The following FMN1 variants were observed in gnomAD, a reference collection of about 807,000 sequenced individuals.
The protein encoded by FMN1 is formin 1, also known as formin-1.
In FMN1, 110 loss-of-function variants were observed where a neutral mutation model predicts 132.4. That is an observed-to-expected ratio of 0.83 (90% confidence interval 0.71 to 0.97). The LOEUF is 0.97. Ranked by LOEUF, FMN1 falls within the 50% of genes least tolerant of loss-of-function variation. FMN1 has a pLI of 0.00. For synonymous variants in FMN1, 722 were observed against 651.7 expected, an observed-to-expected ratio of 1.11 and a Z score of -1.64; for missense variants, 1,792 against 1,705.3, an observed-to-expected ratio of 1.05 and a Z score of -0.90.
chr15:33,128,553 G>C (rs915512365), intron 4 of FMN1, among the ~76,000 whole-genome samples: 1 of 152,216 alleles, frequency 6.6e-6, no homozygotes, highest in Non-Finnish European at 1.5e-5. Context: ...CACATACCGA[G>C]TCCGGAGTTT....
chr15:33,106,863 A>G (rs1229786437), intron 4 of FMN1, among the ~76,000 whole-genome samples: 1 of 151,966 alleles, frequency 6.6e-6, no homozygotes, highest in African/African-American at 2.4e-5. Context: ...CACCCCAAAG[A>G]TATGTGCAGA....
At chr15:33,062,280 C>T (rs2037520183) in intron 6 of FMN1, among the ~76,000 whole-genome samples, 1 of 152,062 alleles carries the variant, frequency 6.6e-6, no homozygotes, top group Non-Finnish European at 1.5e-5. Context: ...TATAATACAT[C>T]ATGTATAACT....
intron 4 of FMN1, among the ~76,000 whole-genome samples, chr15:33,127,015 T>C (rs368617476): frequency 6.6e-6 from 1 of 152,186 alleles, no homozygotes; most frequent in African/African-American, 2.4e-5. Flanking sequence ...TGTGGGAGTT[T>C]GAGAAAACTG....
chr15:32,768,030 A>T lies in FMN1; in HGVS notation c.*6280T>A, dbSNP rs750279549. 6.6e-6 allele frequency: 1 copy of T among 152,246 alleles called. No individual in the cohort carries two copies. The highest frequency in any genetic ancestry group is 1.5e-5 in the Non-Finnish European group (1 of 68,042). The allele number at this position is 152,246 out of a possible 1,614,324, so 9.4% of individuals were successfully genotyped here. A position where few individuals can be genotyped will look rare whatever the true frequency, so the allele number is the denominator to read the frequency against. On this transcript the variant is annotated 3_prime_UTR_variant, in exon 21 of 21. Coordinates refer to ENST00000616417, the MANE Select transcript of FMN1 (RefSeq NM_001277313.2). ...GGAGATATTTATAATTCACAAAAAC[A>T]TCTAAAATGTAAAGATTTCAAATGT...
intron 17 of FMN1, among the ~76,000 whole-genome samples, chr15:32,848,211 A>G (rs993610026): frequency 4.6e-5 from 7 of 152,200 alleles, no homozygotes; most frequent in African/African-American, 1.7e-4. Context: ...TACATACCTA[A>G]TAATAACATC....
At chr15:32,978,351 T>G (rs1028807653) in intron 7 of FMN1, among the ~76,000 whole-genome samples, 17 of 152,230 alleles carry the variant, frequency 1.1e-4, no homozygotes, top group African/African-American at 3.6e-4. Flanking sequence ...ATAAAAGGCA[T>G]TATTACTCAT....
At chr15:33,178,841 C>T (rs1437245217) in intron 3 of FMN1, among the ~76,000 whole-genome samples, 1 of 152,144 alleles carries the variant, frequency 6.6e-6, no homozygotes, top group Non-Finnish European at 1.5e-5. Context: ...TGGCAATGAA[C>T]CTTTTGCAAT....
rs1281631879 is a variant in FMN1 at position 32,768,116 on chromosome 15, T to C, written c.*6194A>G. On this transcript the variant is annotated 3_prime_UTR_variant, in exon 21 of 21. Transcript: ENST00000616417. ...TTTGTATGCTATAAACTCCTTTTTATACATCTCCTATAAAGAAATCTGGAA... is the reference window on the plus strand; with the variant it reads ...TTTGTATGCTATAAACTCCTTTTTACACATCTCCTATAAAGAAATCTGGAA... The C allele has an allele frequency of 7.2e-5, 11 of 152,246 alleles. No homozygotes were observed. Among genetic ancestry groups the C allele is most frequent in the African/African-American group, 2.7e-4 (11 of 41,476 alleles). The allele number at this position is 152,246 out of a possible 1,614,324, so 9.4% of individuals were successfully genotyped here.
At chr15:32,902,934 A>T (rs945774297) in intron 12 of FMN1, among the ~76,000 whole-genome samples, 1 of 152,234 alleles carries the variant, frequency 6.6e-6, no homozygotes, top group Non-Finnish European at 1.5e-5. Flanking sequence ...TGATTAACTG[A>T]TATTTCTGAA....
At position 32,765,709 on chromosome 15, in the gene FMN1, T is replaced by C. The variant is rs1482739498; in HGVS notation, c.*8601A>G. On this transcript the variant is annotated 3_prime_UTR_variant, in exon 21 of 21. Transcript: ENST00000616417. Reference sequence around the variant, plus strand: ...AATCTATCACAGAGATAGAATTTTTTGAATAGACAATTGACGTTTTTCTAA... The same window carrying C: ...AATCTATCACAGAGATAGAATTTTTCGAATAGACAATTGACGTTTTTCTAA... 6.6e-6 allele frequency: 1 copy of C among 152,188 alleles called. No individual in the cohort carries two copies. The highest frequency in any genetic ancestry group is 1.5e-5 in the Non-Finnish European group (1 of 68,026). The allele number at this position is 152,188 out of a possible 1,614,324, so 9.4% of individuals were successfully genotyped here. A position where few individuals can be genotyped will look rare whatever the true frequency, so the allele number is the denominator to read the frequency against.
In FMN1 at chr15:32,908,551, T is replaced by C. The variant is rs1252771532; in HGVS notation, c.3316A>G (p.Ile1106Val). 6.2e-7 allele frequency: 1 copy of C among 1,610,228 alleles called. No individual in the cohort carries two copies. The highest frequency in any genetic ancestry group is 1.3e-5 in the African/African-American group (1 of 74,466). ...NRAQEDELVK[I>V]RKYYETSKEE... Reference sequence around the variant, plus strand: ...TTGGATGTCTCGTAATACTTTCTTATTTTAACCAGCTCATCCTCTTGGGCT... The same window carrying C: ...TTGGATGTCTCGTAATACTTTCTTACTTTAACCAGCTCATCCTCTTGGGCT... The change falls in exon 12 of 21, where the codon ATA becomes GTA. Residue 1106 changes from isoleucine to valine, a missense_variant. Ile to Val is a conservative substitution (Grantham distance 29). Transcript: ENST00000616417.
intron 6 of FMN1, among the ~76,000 whole-genome samples, chr15:33,049,784 T>C (rs345745): frequency 0.71 from 108,164 of 152,102 alleles, 38,946 homozygotes; most frequent in Non-Finnish European, 0.76. Context: ...AAGCTCTAAT[T>C]AATCCCGTTG....
intron 16 of FMN1, among the ~76,000 whole-genome samples, chr15:32,870,481 GGT>G (rs1295688458): frequency 6.6e-6 from 1 of 152,184 alleles, no homozygotes; most frequent in Non-Finnish European, 1.5e-5. Flanking sequence ...TTTAAGCAGA[GGT>G]GACAGGGCCA....
At chr15:32,937,583 G>C (rs2061307234) in intron 9 of FMN1, among the ~76,000 whole-genome samples, 1 of 152,156 alleles carries the variant, frequency 6.6e-6, no homozygotes. Flanking sequence ...TTTAGTTTCT[G>C]AGAGGCAAAT....
intron 17 of FMN1, among the ~76,000 whole-genome samples, chr15:32,814,400 C>T (rs1234096623): frequency 6.6e-6 from 1 of 152,054 alleles, no homozygotes; most frequent in Non-Finnish European, 1.5e-5. Flanking sequence ...ACCTTGTCTC[C>T]CAGCCATCTC....
chr15:33,013,271 G>C (rs1191172837), intron 6 of FMN1, among the ~76,000 whole-genome samples: 2 of 152,200 alleles, frequency 1.3e-5, no homozygotes, highest in Non-Finnish European at 2.9e-5. Flanking sequence ...TATATAACAG[G>C]TTATTTTAAT....
intron 2 of FMN1, among the ~76,000 whole-genome samples, chr15:33,192,264 C>G (rs1406500342): frequency 1.3e-5 from 2 of 152,142 alleles, no homozygotes; most frequent in Non-Finnish European, 2.9e-5. Flanking sequence ...GGATATTTAC[C>G]ATCATCACAT....
chr15:32,998,162 G>A (rs1202906113), intron 7 of FMN1, among the ~76,000 whole-genome samples: 1 of 152,154 alleles, frequency 6.6e-6, no homozygotes, highest in Non-Finnish European at 1.5e-5. Flanking sequence ...TGTGCTCAAT[G>A]AATAAACGTC....
At chr15:33,182,006 G>A (rs964677549) in intron 2 of FMN1, among the ~76,000 whole-genome samples, 8 of 152,032 alleles carry the variant, frequency 5.3e-5, no homozygotes, top group African/African-American at 1.2e-4. Context: ...CACCATACCC[G>A]GCCCGTGATT....
Sources: allele counts gnomAD v4.1 joint callset (sites outside exome capture counted in the v4.1 genomes callset), GRCh38; gene constraint gnomAD v4.1.1; transcripts MANE v1.5; gene names NCBI Gene and HGNC (gene_info 2026-07-23, HGNC 2026-07-21).